The following GNA12 variants were observed in gnomAD, a reference collection of about 807,000 sequenced individuals.
GNA12 encodes the protein G protein subunit alpha 12.
Under a neutral mutation model 26.0 loss-of-function variants are expected in GNA12, and 9 were observed. That is an observed-to-expected ratio of 0.35 (90% CI 0.21 to 0.60). The LOEUF (loss-of-function observed/expected upper bound fraction) is 0.60, where lower values mean the gene tolerates loss of function less well. Among genes scored for constraint, GNA12 ranks in the 20% least tolerant of loss-of-function variants. The pLI, the probability that GNA12 is intolerant of heterozygous loss-of-function variation, is 0.78. For missense variants in GNA12, 405 were observed against 525.8 expected (o/e 0.77, Z 2.25); for synonymous variants, 264 against 219.6 (o/e 1.20, Z -1.79).
intron 2 of GNA12, among the ~76,000 whole-genome samples, chr7:2,784,159 T>G (rs1293486276): frequency 1.3e-5 from 2 of 152,246 alleles, no homozygotes; most frequent in Non-Finnish European, 2.9e-5. Context: ...GCTTTGTCAC[T>G]GAGGCTGAGG....
intron 1 of GNA12, among the ~76,000 whole-genome samples, chr7:2,808,452 G>A (rs1285131497): frequency 6.6e-6 from 1 of 152,248 alleles, no homozygotes; most frequent in Non-Finnish European, 1.5e-5. Context: ...GGCTGTAGTA[G>A]GAGAGTGCCC....
chr7:2,762,622 A>C, intron 2 of GNA12: 1 of 1,554,724 alleles, frequency 6.4e-7, no homozygotes, highest in East Asian at 2.3e-5. Context: ...TCCGGATAAG[A>C]CCCCAATGCC....
At chr7:2,744,192 C>G (rs1260246456) in intron 2 of GNA12, among the ~76,000 whole-genome samples, 2 of 152,244 alleles carry the variant, frequency 1.3e-5, no homozygotes, top group Non-Finnish European at 1.5e-5. Context: ...CAGCACGCAG[C>G]TGGAGATCTG....
chr7:2,762,783 A>C (rs1791625660), intron 2 of GNA12: 1 of 1,542,096 alleles, frequency 6.5e-7, no homozygotes, highest in East Asian at 2.5e-5. Context: ...CAGGCTGTAC[A>C]AAAGGGAGGA....
intron 2 of GNA12, among the ~76,000 whole-genome samples, chr7:2,753,851 C>T (rs1791154311): frequency 6.6e-6 from 1 of 152,150 alleles, no homozygotes; most frequent in South Asian, 2.1e-4. Context: ...GCAACCTCCT[C>T]TTCTGGTTTA....
chr7:2,815,179 G>A (rs1461218786), intron 1 of GNA12: 2 of 496,828 alleles, frequency 4.0e-6, no homozygotes, highest in Non-Finnish European at 7.2e-6. Context: ...CATCGGCGAG[G>A]TGCCTGCGGT....
chr7:2,820,953 C>G (rs1055302604), intron 1 of GNA12, among the ~76,000 whole-genome samples: 1 of 152,232 alleles, frequency 6.6e-6, no homozygotes, highest in Non-Finnish European at 1.5e-5. Context: ...GTTGCTCAGG[C>G]TGGTCTTGAA....
rs1048616425 is a variant in GNA12 at position 2,752,340 on chromosome 7, C to G, written c.526-18839G>C. Among the ~76,000 whole-genome samples the G allele has an allele frequency of 3.3e-5, 5 of 152,322 alleles. No homozygotes were observed. The East Asian group carries it at 9.6e-4, about 29-fold the overall frequency. On this transcript the variant is annotated intron_variant, in intron 2 of 3. Transcript: ENST00000275364. ...AAACCATGCAACTAACATCCTAAGT[C>G]ATGGTGGACCACTGAGTACTTTCAC... is the stretch of plus-strand genomic sequence containing the variant.
At chr7:2,769,442 T>A (rs1161760856) in intron 2 of GNA12, among the ~76,000 whole-genome samples, 2 of 151,846 alleles carry the variant, frequency 1.3e-5, no homozygotes, top group African/African-American at 4.8e-5. Flanking sequence ...TTAAAACAGC[T>A]CTGGCCGGCT....
intron 2 of GNA12, among the ~76,000 whole-genome samples, chr7:2,737,269 G>GTTTTTTTTTTTTTTTTTTTTTTT (rs1317020597): frequency 1.0e-4 from 4 of 38,126 alleles, no homozygotes; most frequent in African/African-American, 2.8e-4. Flanking sequence ...TCACAGTTTT[G>GTTTTTTTTTTTTTTTTTTTTTTT]TTTTGTTTTT....
rs564143207 is a variant in GNA12 at position 2,813,068 on chromosome 7, C to T, written c.310-17925G>A. On this transcript the variant is annotated intron_variant, in intron 1 of 3. Coordinates refer to ENST00000275364, the MANE Select transcript of GNA12 (RefSeq NM_007353.3). The stretch of plus-strand genomic sequence containing the variant: ...AGTCTCCTGAGTAGCTGGGAATTAC[C>T]GGCATTCACCACCATACCCAGCTAA... Among the ~76,000 whole-genome samples, 22 of 152,264 alleles carry T rather than the reference C, an allele frequency of 1.4e-4. 1 individual carries two copies. In the South Asian group the frequency reaches 2.9e-3, roughly 20 times the overall value.
intron 1 of GNA12, among the ~76,000 whole-genome samples, chr7:2,826,194 T>C (rs545769829): frequency 2.0e-5 from 3 of 151,938 alleles, no homozygotes; most frequent in South Asian, 4.2e-4. Flanking sequence ...CAGGCCAACA[T>C]GGTGAAACTT....
chr7:2,747,136 T>C (rs1365141491), intron 2 of GNA12, among the ~76,000 whole-genome samples: 5 of 151,848 alleles, frequency 3.3e-5, no homozygotes, highest in African/African-American at 4.8e-5. Context: ...TTCCAATCAA[T>C]AGAAAAAGAG....
In GNA12 at chr7:2,752,596, G is replaced by A. The variant is rs555840563; in HGVS notation, c.526-19095C>T. Among the ~76,000 whole-genome samples, 7 of 152,272 alleles carry A rather than the reference G, an allele frequency of 4.6e-5. No individual in the cohort carries two copies. In the South Asian group the frequency reaches 1.5e-3, roughly 32 times the overall value. ...GCAACAGAATCAATCCGTGAGTTCA[G>A]CACATTCACAAGATAAGAGATTACT... On this transcript the variant is annotated intron_variant, in intron 2 of 3. Transcript: ENST00000275364.
At chr7:2,808,837 T>G (rs927339747) in intron 1 of GNA12, among the ~76,000 whole-genome samples, 3 of 152,194 alleles carry the variant, frequency 2.0e-5, no homozygotes, top group Non-Finnish European at 4.4e-5. Context: ...ATCACCCGCT[T>G]TGTTCAAAAC....
chr7:2,840,415 T>C (rs976549186), intron 1 of GNA12, among the ~76,000 whole-genome samples: 3 of 152,164 alleles, frequency 2.0e-5, no homozygotes, highest in Non-Finnish European at 4.4e-5. Flanking sequence ...AACACCATAT[T>C]TGAAAGGATC....
chr7:2,790,403 A>C (rs988688196), intron 2 of GNA12, among the ~76,000 whole-genome samples: 3 of 152,118 alleles, frequency 2.0e-5, no homozygotes, highest in African/African-American at 4.8e-5. Context: ...GGCGCGCAAC[A>C]CCTTGTCTAA....
chr7:2,782,444 AC>A (rs1792252066), intron 2 of GNA12, among the ~76,000 whole-genome samples: 1 of 152,120 alleles, frequency 6.6e-6, no homozygotes, highest in Non-Finnish European at 1.5e-5. Context: ...CTTCTATTTT[AC>A]AAAACTCAAT....
intron 1 of GNA12, among the ~76,000 whole-genome samples, chr7:2,822,058 C>T (rs1213169630): frequency 6.6e-6 from 1 of 152,170 alleles, no homozygotes; most frequent in Non-Finnish European, 1.5e-5. Context: ...GTGATATACA[C>T]ATCAACAAGG....
Sources: gnomAD v4.1 joint callset for allele counts (sites outside exome capture counted in the v4.1 genomes callset) on GRCh38, gnomAD v4.1.1 for gene constraint, MANE v1.5 for transcripts, NCBI Gene and HGNC (gene_info 2026-07-23, HGNC 2026-07-21) for gene names.